PCDH15: variants seen among roughly 807,000 people sequenced by gnomAD.
PCDH15 encodes protocadherin-15.
In PCDH15, 129 loss-of-function variants were observed where a neutral mutation model predicts 178.5. That is an observed-to-expected ratio of 0.72 (90% confidence interval 0.63 to 0.84). The LOEUF (loss-of-function observed/expected upper bound fraction) is 0.84. Among genes scored for constraint, PCDH15 ranks in the 40% least tolerant of loss-of-function variants. The probability of loss-of-function intolerance (pLI) is 0.00; values close to 1 mark genes in which losing one functional copy is unlikely to be tolerated. For missense variants in PCDH15, 2,230 were observed against 2,099.9 expected, an observed-to-expected ratio of 1.06 and a Z score of -1.21; for synonymous variants, 800 against 732.0, an observed-to-expected ratio of 1.09 and a Z score of -1.50.
intron 1 of PCDH15, among the ~76,000 whole-genome samples, chr10:54,680,533 G>T (rs2094880101): frequency 6.6e-6 from 1 of 152,046 alleles, no homozygotes; most frequent in African/African-American, 2.4e-5. Context: ...AAGGTGTAAA[G>T]GGAGTGATAT....
intron 15 of PCDH15, among the ~76,000 whole-genome samples, chr10:54,097,368 C>T (rs905746318): frequency 6.6e-6 from 1 of 152,120 alleles, no homozygotes; most frequent in Non-Finnish European, 1.5e-5. Context: ...GTCTAAACTT[C>T]GGGGTCTTAC....
intron 28 of PCDH15, 98 bp from the exon 29 acceptor site, chr10:53,840,594 G>A: frequency 8.9e-7 from 1 of 1,122,854 alleles, no homozygotes; most frequent in Middle Eastern, 2.0e-4. Flanking sequence ...AATGAAAAAT[G>A]ATGACAGCCT....
At chr10:53,817,499 G>GT (rs149200300) in intron 34 of PCDH15, among the ~76,000 whole-genome samples, 3,729 of 130,952 alleles carry the variant, frequency 0.028, 166 homozygotes, top group African/African-American at 0.093. Flanking sequence ...TATATTCTTT[G>GT]TTTTTTTTTT....
intron 14 of PCDH15, among the ~76,000 whole-genome samples, chr10:54,141,206 CA>C (rs1564518346): frequency 1.3e-5 from 2 of 151,418 alleles, no homozygotes. Context: ...TATGTATTTC[CA>C]ACAATTCACC....
At chr10:54,966,371 G>T (rs139020566) in intron 2 of PCDH15, among the ~76,000 whole-genome samples, 43 of 152,132 alleles carry the variant, frequency 2.8e-4, no homozygotes, top group African/African-American at 8.2e-4. Flanking sequence ...TATATTCTGA[G>T]AAACGTATGG....
chr10:54,103,277 A>G (rs907493996), intron 15 of PCDH15, among the ~76,000 whole-genome samples: 4 of 152,218 alleles, frequency 2.6e-5, no homozygotes, highest in African/African-American at 9.7e-5. Context: ...CACCCTGATT[A>G]ATTAGCCAAT....
At chr10:54,646,196 G>C (rs1338090901) in intron 2 of PCDH15, among the ~76,000 whole-genome samples, 5 of 152,074 alleles carry the variant, frequency 3.3e-5, no homozygotes, top group Admixed American at 3.3e-4. Context: ...AGGTGACACA[G>C]ACTATTACTA....
intron 2 of PCDH15, among the ~76,000 whole-genome samples, chr10:55,519,426 C>T (rs1291297559): frequency 2.0e-5 from 3 of 151,522 alleles, no homozygotes; most frequent in Non-Finnish European, 1.5e-5. Flanking sequence ...ACGGGTGGAA[C>T]GGAAGTAAGT....
rs758841485 is a variant in PCDH15, at chr10:54,195,905, A to G, written c.1099-16T>C. The G allele has an allele frequency of 6.9e-6, 11 of 1,604,462 alleles. No individual in the cohort carries two copies. Among genetic ancestry groups the G allele is most frequent in the Non-Finnish European group, 9.4e-6 (11 of 1,171,660 alleles). ...CTTGTTCAGCCTAAAATTGAAAAGA[A>G]AAGAAAATATTTAGAAAGTATATGT... On this transcript the variant is annotated splice_polypyrimidine_tract_variant and intron_variant, in intron 10 of 37. Coordinates refer to ENST00000644397, the MANE Select transcript of PCDH15 (RefSeq NM_001384140.1).
chr10:54,800,565 T>A (rs1952565793), intron 1 of PCDH15, among the ~76,000 whole-genome samples: 1 of 152,140 alleles, frequency 6.6e-6, no homozygotes, highest in Non-Finnish European at 1.5e-5. Flanking sequence ...TCTGATGCCA[T>A]TTTTCTGTAT....
intron 2 of PCDH15, among the ~76,000 whole-genome samples, chr10:55,438,199 T>TTA (rs886302106): frequency 1.5e-5 from 1 of 67,384 alleles, no homozygotes; most frequent in Non-Finnish European, 2.4e-5. Context: ...AAAGAACATG[T>TTA]TATACACACA....
intron 13 of PCDH15, among the ~76,000 whole-genome samples, chr10:54,169,897 G>C (rs915875938): frequency 1.3e-5 from 2 of 150,828 alleles, no homozygotes; most frequent in Non-Finnish European, 3.0e-5. Flanking sequence ...CAGAATCTGC[G>C]CCTTATCAAC....
In PCDH15 at chr10:53,822,754, AAG is replaced by A. The variant is rs1491078644; in HGVS notation, c.4368-2526_4368-2525del. The A allele has an allele frequency of 1.9e-6, 3 of 1,614,032 alleles. No homozygotes were observed. Among genetic ancestry groups the A allele is most frequent in the Non-Finnish European group, 2.5e-6 (3 of 1,179,964 alleles). On this transcript the variant is annotated intron_variant, in intron 32 of 37. Coordinates refer to ENST00000644397, the MANE Select transcript of PCDH15 (RefSeq NM_001384140.1). ...CTGGGAAAGCAAAATGAAGAGTCTG[AAG>A]AGAGAGATTTCAACTGTTCTGTTCC...
chr10:54,104,380 G>A (rs984368081), intron 15 of PCDH15, among the ~76,000 whole-genome samples: 4 of 152,134 alleles, frequency 2.6e-5, no homozygotes, highest in African/African-American at 9.7e-5. Context: ...CACCTGGCGA[G>A]GCTGTGATTA....
intron 1 of PCDH15, among the ~76,000 whole-genome samples, chr10:54,778,018 G>A (rs574778539): frequency 1.3e-5 from 2 of 152,206 alleles, no homozygotes; most frequent in Non-Finnish European, 2.9e-5. Context: ...CATACTGTGT[G>A]CAGACAGAAT....
chr10:54,311,439 A>C (rs775811769), intron 8 of PCDH15, among the ~76,000 whole-genome samples: 6 of 152,062 alleles, frequency 3.9e-5, no homozygotes, highest in Non-Finnish European at 8.8e-5. Flanking sequence ...AAATAAAGCC[A>C]AGGATTTTAT....
At chr10:54,966,652 T>TG (rs1355032390) in intron 2 of PCDH15, among the ~76,000 whole-genome samples, 1 of 152,088 alleles carries the variant, frequency 6.6e-6, no homozygotes, top group Non-Finnish European at 1.5e-5. Context: ...CATTGAATCA[T>TG]GGGGGCAGTT....
chr10:54,964,093 G>A (rs1392975548), intron 2 of PCDH15, among the ~76,000 whole-genome samples: 1 of 152,182 alleles, frequency 6.6e-6, no homozygotes, highest in Admixed American at 6.5e-5. Context: ...GTGTCTCATT[G>A]TTCAGATATG....
At chr10:54,105,418 G>A (rs1443309112) in intron 15 of PCDH15, among the ~76,000 whole-genome samples, 2 of 151,352 alleles carry the variant, frequency 1.3e-5, no homozygotes. Context: ...ACACAATCAT[G>A]AGGTTTCACA....
Sources: gnomAD v4.1 joint callset for allele counts (sites outside exome capture counted in the v4.1 genomes callset) on GRCh38, gnomAD v4.1.1 for gene constraint, MANE v1.5 for transcripts, NCBI Gene and HGNC (gene_info 2026-07-23, HGNC 2026-07-21) for gene names.